GRIA4: variants seen among roughly 807,000 people sequenced by gnomAD.
GRIA4 encodes glutamate receptor 4.
Under a neutral mutation model 104.0 loss-of-function variants are expected in GRIA4, and 34 were observed. That is an observed-to-expected ratio of 0.33 (90% CI 0.25 to 0.44). The LOEUF (loss-of-function observed/expected upper bound fraction) is 0.44, where lower values mean the gene tolerates loss of function less well. Among genes scored for constraint, GRIA4 ranks in the 20% least tolerant of loss-of-function variants. GRIA4 has a pLI of 1.00. For missense variants in GRIA4, 750 were observed against 1,096.5 expected (o/e 0.68, Z 4.46); for synonymous variants, 386 against 381.9 (o/e 1.01, Z -0.13).
At chr11:105,855,426 C>T (rs992853188) in intron 4 of GRIA4, among the ~76,000 whole-genome samples, 2 of 151,844 alleles carry the variant, frequency 1.3e-5, no homozygotes, top group Admixed American at 6.6e-5. Context: ...GAACTGTGAG[C>T]TTTATATAAT....
chr11:105,761,442 C>T (rs1220841790), intron 4 of GRIA4, among the ~76,000 whole-genome samples: 1 of 152,148 alleles, frequency 6.6e-6, no homozygotes, highest in South Asian at 2.1e-4. Flanking sequence ...ATTTAATTTT[C>T]CAAAAACTTT....
At chr11:105,644,093 A>G (rs887287966) in intron 3 of GRIA4, among the ~76,000 whole-genome samples, 12 of 152,244 alleles carry the variant, frequency 7.9e-5, no homozygotes, top group African/African-American at 2.4e-5. Context: ...AAACCAGCAT[A>G]GAAAAATTTT....
intron 3 of GRIA4, among the ~76,000 whole-genome samples, chr11:105,640,332 G>A (rs989218128): frequency 6.6e-6 from 1 of 151,672 alleles, no homozygotes; most frequent in Non-Finnish European, 1.5e-5. Flanking sequence ...TGTTTATTTG[G>A]ATGTATATTT....
At chr11:105,686,210 C>G (rs1952877459) in intron 3 of GRIA4, among the ~76,000 whole-genome samples, 1 of 152,122 alleles carries the variant, frequency 6.6e-6, no homozygotes, top group African/African-American at 2.4e-5. Context: ...GTTTTCCAGT[C>G]CTTGTCTCCC....
intron 3 of GRIA4, among the ~76,000 whole-genome samples, chr11:105,634,329 G>A (rs1428749895): frequency 2.1e-5 from 3 of 141,614 alleles, no homozygotes; most frequent in African/African-American, 8.0e-5. Context: ...CTCCAGCCTG[G>A]ATGACAGAGA....
chr11:105,622,500 C>T (rs1008322943), intron 3 of GRIA4, among the ~76,000 whole-genome samples: 3 of 151,788 alleles, frequency 2.0e-5, no homozygotes, highest in Middle Eastern at 3.4e-3. Flanking sequence ...TCCTATTTGT[C>T]GTTCTTCACT....
intron 4 of GRIA4, among the ~76,000 whole-genome samples, chr11:105,772,521 G>A (rs918820430): frequency 9.9e-5 from 15 of 151,990 alleles, no homozygotes; most frequent in Admixed American, 3.3e-4. Flanking sequence ...AGGATATAAT[G>A]CATATAACAT....
chr11:105,814,178 T>C (rs1943286754), intron 4 of GRIA4, among the ~76,000 whole-genome samples: 2 of 152,184 alleles, frequency 1.3e-5, no homozygotes, highest in African/African-American at 4.8e-5. Context: ...GGTTTCATTT[T>C]AAGTGCAAAG....
chr11:105,624,387 A>C (rs1463029276), intron 3 of GRIA4, among the ~76,000 whole-genome samples: 2 of 152,120 alleles, frequency 1.3e-5, no homozygotes, highest in African/African-American at 2.4e-5. Flanking sequence ...TAGCAAGCAC[A>C]CTCAGGAGAA....
intron 3 of GRIA4, among the ~76,000 whole-genome samples, chr11:105,714,789 T>C (rs1373072724): frequency 6.6e-6 from 1 of 152,058 alleles, no homozygotes; most frequent in Non-Finnish European, 1.5e-5. Context: ...GGTCTTCAGT[T>C]GGGACAGACC....
At chr11:105,808,109 C>CGT (rs369390467) in intron 4 of GRIA4, among the ~76,000 whole-genome samples, 5 of 151,596 alleles carry the variant, frequency 3.3e-5, no homozygotes, top group African/African-American at 7.3e-5. Flanking sequence ...TAGTGTTGTT[C>CGT]GTGTGTGTGT....
chr11:105,887,084 T>C (rs1946291801), intron 5 of GRIA4, among the ~76,000 whole-genome samples: 1 of 152,126 alleles, frequency 6.6e-6, no homozygotes, highest in South Asian at 2.1e-4. Flanking sequence ...TGCTACTCAG[T>C]CTACTCATAG....
At chr11:105,783,763 T>C (rs1307146806) in intron 4 of GRIA4, among the ~76,000 whole-genome samples, 1 of 150,806 alleles carries the variant, frequency 6.6e-6, no homozygotes, top group Non-Finnish European at 1.5e-5. Flanking sequence ...TGTGTGTGTG[T>C]GTGTGTGTGT....
In GRIA4 at chr11:105,814,696, A is replaced by G. The variant is rs147394417; in HGVS notation, c.488-47328A>G. 3.9e-3 allele frequency among the ~76,000 whole-genome samples: 590 copies of G among 152,292 alleles called. 3 individuals are homozygous for G. Among genetic ancestry groups the G allele is most frequent in the Middle Eastern group, 0.017 (5 of 294 alleles). On this transcript the variant is annotated intron_variant, in intron 4 of 16. Coordinates refer to ENST00000282499, the MANE Select transcript of GRIA4 (RefSeq NM_000829.4). Reference sequence around the variant, plus strand: ...GAAAGGGAAAAAAAGAATTGGCTACATTTTTTAGCTTCAGACTCTTAAGAA... The same window carrying G: ...GAAAGGGAAAAAAAGAATTGGCTACGTTTTTTAGCTTCAGACTCTTAAGAA...
chr11:105,659,708 C>T (rs1202239759), intron 3 of GRIA4, among the ~76,000 whole-genome samples: 1 of 151,832 alleles, frequency 6.6e-6, no homozygotes, highest in Non-Finnish European at 1.5e-5. Flanking sequence ...CTTCTATTTC[C>T]ACTGAGTTCT....
At chr11:105,625,924 G>A (rs947421732) in intron 3 of GRIA4, among the ~76,000 whole-genome samples, 11 of 152,062 alleles carry the variant, frequency 7.2e-5, no homozygotes, top group South Asian at 4.1e-4. Context: ...CATCTAGACC[G>A]TCCTCAATCT....
intron 5 of GRIA4, among the ~76,000 whole-genome samples, chr11:105,886,895 GA>G (rs1946284185): frequency 6.8e-6 from 1 of 147,596 alleles, no homozygotes; most frequent in South Asian, 2.1e-4. Context: ...AAACATTTCT[GA>G]AAACATTCTC....
intron 4 of GRIA4, among the ~76,000 whole-genome samples, chr11:105,759,459 G>T (rs1429013752): frequency 6.6e-6 from 1 of 152,038 alleles, no homozygotes; most frequent in Non-Finnish European, 1.5e-5. Context: ...CTTTGACTCT[G>T]TAAACTTCTT....
intron 4 of GRIA4, among the ~76,000 whole-genome samples, chr11:105,858,424 G>C (rs1945095913): frequency 6.6e-6 from 1 of 151,924 alleles, no homozygotes; most frequent in Non-Finnish European, 1.5e-5. Context: ...GAAATATTTT[G>C]ATACAGGCAT....
Sources: allele counts gnomAD v4.1 joint callset (sites outside exome capture counted in the v4.1 genomes callset), GRCh38; gene constraint gnomAD v4.1.1; transcripts MANE v1.5; gene names NCBI Gene and HGNC (gene_info 2026-07-23, HGNC 2026-07-21).